The following EFHC2 variants were observed in gnomAD, a reference collection of about 807,000 sequenced individuals.
EFHC2 encodes EF-hand domain-containing family member C2.
In EFHC2, 18 loss-of-function variants were observed where a neutral mutation model predicts 52.7. The ratio of observed to expected loss-of-function variants is 0.34; its 90% CI spans 0.24 to 0.51. EFHC2 has a LOEUF of 0.51. Ranked by LOEUF, EFHC2 falls within the 20% of genes least tolerant of loss-of-function variation. EFHC2 has a pLI of 0.97. For synonymous variants in EFHC2, 203 were observed against 204.1 expected, an observed-to-expected ratio of 0.99 and a Z score of 0.04; for missense variants, 513 against 562.5, an observed-to-expected ratio of 0.91 and a Z score of 0.89.
intron 4 of EFHC2, among the ~76,000 whole-genome samples, chrX:44,260,096 A>G (rs984803716): frequency 1.5e-4 from 17 of 111,862 alleles, no homozygotes; most frequent in Non-Finnish European, 3.2e-4. Flanking sequence ...GGGTATAGAA[A>G]TGAGAACAGC....
intron 11 of EFHC2, among the ~76,000 whole-genome samples, chrX:44,210,069 T>C (rs6609287): frequency 0.39 from 42,405 of 109,159 alleles, 6,300 homozygotes; most frequent in African/African-American, 0.51. Flanking sequence ...ATGTAATGTG[T>C]TTGAATCATC....
At chrX:44,332,194 A>G (rs2038091238) in intron 1 of EFHC2, among the ~76,000 whole-genome samples, 1 of 111,634 alleles carries the variant, frequency 9.0e-6, no homozygotes, top group Admixed American at 9.5e-5. Context: ...ATATGGAAAT[A>G]GTCCTGTAAG....
At chrX:44,268,068 C>A (rs186657025) in intron 3 of EFHC2, among the ~76,000 whole-genome samples, 1 of 111,885 alleles carries the variant, frequency 8.9e-6, no homozygotes, top group South Asian at 3.7e-4. Context: ...CATTACGCAG[C>A]GTGATTACTG....
chrX:44,214,581 G>A (rs2037128667), intron 11 of EFHC2, among the ~76,000 whole-genome samples: 2 of 112,199 alleles, frequency 1.8e-5, no homozygotes, highest in Admixed American at 9.4e-5. Context: ...GGAGTTTGTT[G>A]CCAGTAGACC....
chrX:44,340,230 A>C (rs984882859), intron 1 of EFHC2, among the ~76,000 whole-genome samples: 4 of 111,903 alleles, frequency 3.6e-5, no homozygotes, highest in Admixed American at 2.9e-4. Context: ...AAGGCCAATC[A>C]CAGACAAGAA....
intron 11 of EFHC2, among the ~76,000 whole-genome samples, chrX:44,179,692 A>T (rs759881383): frequency 8.9e-6 from 1 of 112,326 alleles, no homozygotes; most frequent in African/African-American, 3.2e-5. Flanking sequence ...TGCAAAATCC[A>T]ACCAAGATGA....
At chrX:44,329,492 G>A (rs111358266) in intron 1 of EFHC2, among the ~76,000 whole-genome samples, 1,691 of 111,601 alleles carry the variant, frequency 0.015, 28 homozygotes, top group African/African-American at 0.053. Flanking sequence ...TTCAATGGAA[G>A]GATATCCTTT....
At chrX:44,308,468 G>A (rs1302854889) in intron 2 of EFHC2, among the ~76,000 whole-genome samples, 1 of 110,310 alleles carries the variant, frequency 9.1e-6, no homozygotes, top group African/African-American at 3.3e-5. Flanking sequence ...TTATCAACTA[G>A]AAATTGGGGA....
At chrX:44,242,694 C>A (rs1389405051) in intron 7 of EFHC2, among the ~76,000 whole-genome samples, 1 of 110,994 alleles carries the variant, frequency 9.0e-6, no homozygotes, top group Admixed American at 9.6e-5. Flanking sequence ...AGTCAACACT[C>A]ACTAATAAAA....
intron 8 of EFHC2, among the ~76,000 whole-genome samples, chrX:44,237,634 C>T (rs1241311300): frequency 8.9e-6 from 1 of 111,753 alleles, no homozygotes; most frequent in Admixed American, 9.5e-5. Flanking sequence ...TAGAGGTCAA[C>T]AATGATCTCC....
At chrX:44,243,171 G>C (rs1278546334) in intron 7 of EFHC2, among the ~76,000 whole-genome samples, 1 of 111,236 alleles carries the variant, frequency 9.0e-6, no homozygotes, top group South Asian at 3.8e-4. Flanking sequence ...GTGCTCTCCA[G>C]AGCAAGGAAC....
intron 11 of EFHC2, among the ~76,000 whole-genome samples, chrX:44,204,038 T>C (rs2037026871): frequency 9.1e-6 from 1 of 110,484 alleles, no homozygotes; most frequent in Non-Finnish European, 1.9e-5. Flanking sequence ...CAAAAATGCA[T>C]TGCTACAATA....
intron 2 of EFHC2, among the ~76,000 whole-genome samples, chrX:44,298,280 C>T (rs998131577): frequency 4.5e-5 from 5 of 111,855 alleles, no homozygotes; most frequent in African/African-American, 1.6e-4. Flanking sequence ...CATGAATTTG[C>T]TACACTTTGT....
intron 2 of EFHC2, chrX:44,310,307 C>T: frequency 1.1e-6 from 1 of 899,147 alleles, no homozygotes; most frequent in Non-Finnish European, 1.6e-6. Flanking sequence ...TAGTTTTCGG[C>T]TCGCGGGCTC....
chrX:44,339,812 C>T (rs1272158675), intron 1 of EFHC2, among the ~76,000 whole-genome samples: 2 of 111,542 alleles, frequency 1.8e-5, no homozygotes, highest in African/African-American at 6.5e-5. Flanking sequence ...GACTTTCTAA[C>T]CATTCTATGC....
At chrX:44,177,860 G>A (rs774390602) in intron 12 of EFHC2, among the ~76,000 whole-genome samples, 26 of 109,783 alleles carry the variant, frequency 2.4e-4, no homozygotes, top group Middle Eastern at 9.2e-3. Context: ...CAAATGAAAA[G>A]AACATGCAAG....
At chrX:44,193,151 G>A (rs1300511830) in intron 11 of EFHC2, among the ~76,000 whole-genome samples, 2 of 110,882 alleles carry the variant, frequency 1.8e-5, no homozygotes, top group African/African-American at 6.6e-5. Flanking sequence ...CCCTTATAAT[G>A]ACACAGACAA....
At chrX:44,317,312 C>T (rs771022931) in intron 1 of EFHC2, among the ~76,000 whole-genome samples, 16 of 112,109 alleles carry the variant, frequency 1.4e-4, no homozygotes, top group Admixed American at 4.7e-4. Flanking sequence ...GGGTGGCAGA[C>T]GCAGTTTGTC....
At chrX:44,278,200 C>T (rs189307810) in intron 2 of EFHC2, among the ~76,000 whole-genome samples, 45 of 111,983 alleles carry the variant, frequency 4.0e-4, no homozygotes, top group African/African-American at 1.4e-3. Context: ...CATGGCAAAA[C>T]CCAATCTCTA....
Sources: allele counts gnomAD v4.1 joint callset (sites outside exome capture counted in the v4.1 genomes callset), GRCh38; gene constraint gnomAD v4.1.1; transcripts MANE v1.5; gene names NCBI Gene and HGNC (gene_info 2026-07-23, HGNC 2026-07-21).